Variants in SLC71A2 observed in about 807,000 individuals in gnomAD.
SLC71A2 encodes the protein solute carrier family 71 member 2, also known as hippocampus abundant transcript-like 1.
At chr9:94,457,729 T>C in the SLC71A2 span, among the ~76,000 whole-genome samples, 1 of 152,272 alleles carries the variant, frequency 6.6e-6, no homozygotes, top group South Asian at 2.1e-4. Flanking sequence ...TGTTTCTGAA[T>C]GTCAGCATAT....
At chr9:94,428,343 G>A in the SLC71A2 span, among the ~76,000 whole-genome samples, 1 of 142,682 alleles carries the variant, frequency 7.0e-6, no homozygotes, top group East Asian at 2.0e-4. Context: ...AATATTTGGT[G>A]TCCTTCATTT....
At chr9:94,375,404 T>G in the SLC71A2 span, among the ~76,000 whole-genome samples, 1 of 151,460 alleles carries the variant, frequency 6.6e-6, no homozygotes, top group South Asian at 2.1e-4. Flanking sequence ...GGGGCGTTGC[T>G]GGGGACCAGC....
chr9:94,379,977 C>G, the SLC71A2 span, among the ~76,000 whole-genome samples: 1 of 152,096 alleles, frequency 6.6e-6, no homozygotes, highest in East Asian at 1.9e-4. Context: ...TTTGAAATTT[C>G]TCAGTTTCAG....
At chr9:94,378,019 G>T in the SLC71A2 span, among the ~76,000 whole-genome samples, 2 of 151,880 alleles carry the variant, frequency 1.3e-5, no homozygotes, top group Admixed American at 6.6e-5. Context: ...CAGGAGAATC[G>T]CTTGAACCTG....
the SLC71A2 span, among the ~76,000 whole-genome samples, chr9:94,441,927 A>T: frequency 6.6e-6 from 1 of 152,370 alleles, no homozygotes. Context: ...GTTTTACATC[A>T]GTGTCAGGAC....
the SLC71A2 span, among the ~76,000 whole-genome samples, chr9:94,447,309 A>G: frequency 6.6e-6 from 1 of 151,752 alleles, no homozygotes; most frequent in Non-Finnish European, 1.5e-5. Flanking sequence ...CCTCCCGAGT[A>G]GCTGGGATTA....
the SLC71A2 span, among the ~76,000 whole-genome samples, chr9:94,409,761 T>C: frequency 6.6e-6 from 1 of 151,744 alleles, no homozygotes; most frequent in Non-Finnish European, 1.5e-5. Context: ...TTCATGAATT[T>C]TCCAAATTTT....
At chr9:94,400,519 A>AC in the SLC71A2 span, among the ~76,000 whole-genome samples, 2 of 150,852 alleles carry the variant, frequency 1.3e-5, no homozygotes, top group African/African-American at 2.4e-5. Context: ...GAAAAAAAAA[A>AC]AACAACTGAT....
chr9:94,385,959 G>T, the SLC71A2 span, among the ~76,000 whole-genome samples: 6 of 152,212 alleles, frequency 3.9e-5, no homozygotes, highest in Admixed American at 1.3e-4. Flanking sequence ...TGTGGTCGTG[G>T]CTCACTGTAA....
the SLC71A2 span, among the ~76,000 whole-genome samples, chr9:94,403,244 C>A: frequency 6.6e-6 from 1 of 152,178 alleles, no homozygotes; most frequent in African/African-American, 2.4e-5. Flanking sequence ...TCAAGTGATT[C>A]TCTTGCCTCA....
At chr9:94,387,050 A>G in the SLC71A2 span, among the ~76,000 whole-genome samples, 1 of 151,250 alleles carries the variant, frequency 6.6e-6, no homozygotes, top group Non-Finnish European at 1.5e-5. Context: ...TTTGCCCCAT[A>G]CTCGGTGGTT....
chr9:94,419,915 T>C, the SLC71A2 span, among the ~76,000 whole-genome samples: 303 of 152,312 alleles, frequency 2.0e-3, 4 homozygotes, highest in African/African-American at 6.7e-3. Context: ...TCTCCATTAT[T>C]TAGGGATCAG....
At chr9:94,434,191 A>G in the SLC71A2 span, among the ~76,000 whole-genome samples, 31 of 152,334 alleles carry the variant, frequency 2.0e-4, no homozygotes, top group African/African-American at 7.2e-4. Context: ...TTTAAAATCA[A>G]TACTTTAAAA....
the SLC71A2 span, among the ~76,000 whole-genome samples, chr9:94,414,252 A>G: frequency 6.6e-6 from 1 of 152,110 alleles, no homozygotes; most frequent in Admixed American, 6.6e-5. Flanking sequence ...TCTGAGTGTA[A>G]TGTCACCACA....
At chr9:94,445,414 C>T in the SLC71A2 span, among the ~76,000 whole-genome samples, 3 of 152,188 alleles carry the variant, frequency 2.0e-5, no homozygotes, top group African/African-American at 7.2e-5. Flanking sequence ...CTAGTTAATT[C>T]TTGGTGAGAG....
the SLC71A2 span, among the ~76,000 whole-genome samples, chr9:94,430,474 T>C: frequency 6.6e-6 from 1 of 152,180 alleles, no homozygotes; most frequent in South Asian, 2.1e-4. Flanking sequence ...CTGCCCGCCT[T>C]GGCCTCCCAC....
chr9:94,457,612 C>A, the SLC71A2 span, among the ~76,000 whole-genome samples: 1 of 152,148 alleles, frequency 6.6e-6, no homozygotes, highest in African/African-American at 2.4e-5. Context: ...GATGTGATGA[C>A]CCATCCGTGG....
chr9:94,378,260 T>C, the SLC71A2 span, among the ~76,000 whole-genome samples: 103,434 of 151,166 alleles, frequency 0.68, 35,703 homozygotes, highest in Middle Eastern at 0.76. Context: ...CCAGCATCTG[T>C]TTCTGGTGAG....
the SLC71A2 span, among the ~76,000 whole-genome samples, chr9:94,384,671 G>A: frequency 2.2e-4 from 33 of 152,154 alleles, no homozygotes; most frequent in Middle Eastern, 3.4e-3. Context: ...GGTCATTTGC[G>A]TTTTGTTTTA....
Sources: gnomAD v4.1 joint callset for allele counts (sites outside exome capture counted in the v4.1 genomes callset) on GRCh38, gnomAD v4.1.1 for gene constraint, MANE v1.5 for transcripts, NCBI Gene and HGNC (gene_info 2026-07-23, HGNC 2026-07-21) for gene names.